Variants in HMCN1 observed in about 807,000 individuals in gnomAD.
HMCN1 encodes hemicentin 1, also known as hemicentin-1.
Under a neutral mutation model 625.9 loss-of-function variants are expected in HMCN1, and 321 were observed. The ratio of observed to expected loss-of-function variants is 0.51; its 90% CI spans 0.47 to 0.56. HMCN1 has a LOEUF of 0.56. Ranked by LOEUF, HMCN1 falls within the 20% of genes least tolerant of loss-of-function variation. The pLI is 0.00. For synonymous variants in HMCN1, 2,425 were observed against 2,417.6 expected, an observed-to-expected ratio of 1.00 and a Z score of -0.09; for missense variants, 6,588 against 6,887.3, an observed-to-expected ratio of 0.96 and a Z score of 1.54.
chr1:185,907,138 C>T lies in HMCN1; in HGVS notation c.622-2199C>T, dbSNP rs1385347333. ...AGTGATCCATATCCTTCTCTTCAAG[C>T]ATGATAGATCATTAAGAACCCATTT... On this transcript the variant is annotated intron_variant, in intron 4 of 106. Transcript: ENST00000271588. 2.0e-5 allele frequency among the ~76,000 whole-genome samples: 3 copies of T among 151,788 alleles called. No homozygotes were observed. The East Asian group carries it at 5.8e-4, about 29-fold the overall frequency.
chr1:186,167,238 T>C (rs1158747806), intron 100 of HMCN1, among the ~76,000 whole-genome samples: 1 of 152,240 alleles, frequency 6.6e-6, no homozygotes, highest in Non-Finnish European at 1.5e-5. Context: ...TACCATTTGA[T>C]TGAGATCATA....
intron 94 of HMCN1, 49 bp from the exon 95 acceptor site, chr1:186,151,557 A>G: frequency 6.4e-7 from 1 of 1,562,722 alleles, no homozygotes; most frequent in Middle Eastern, 1.7e-4. Context: ...AGACAATAAA[A>G]TAGACTAAAA....
intron 2 of HMCN1, among the ~76,000 whole-genome samples, chr1:185,857,416 G>T (rs181375194): frequency 4.5e-4 from 69 of 152,140 alleles, no homozygotes; most frequent in Admixed American, 7.9e-4. Flanking sequence ...TATTTAGGGA[G>T]CTGTCTAATT....
chr1:186,037,442 A>G (rs1655909502), intron 36 of HMCN1, among the ~76,000 whole-genome samples: 1 of 152,202 alleles, frequency 6.6e-6, no homozygotes, highest in African/African-American at 2.4e-5. Flanking sequence ...ACTTAAGTCT[A>G]AATTTTATAT....
At chr1:185,918,355 A>C (rs1273172025) in intron 6 of HMCN1, among the ~76,000 whole-genome samples, 1 of 152,224 alleles carries the variant, frequency 6.6e-6, no homozygotes, top group African/African-American at 2.4e-5. Context: ...CATGGGAGAA[A>C]GATGAAATCC....
chr1:186,128,364 A>G (rs1236757940), intron 83 of HMCN1, 73 bp downstream of exon 83: 16 of 1,244,646 alleles, frequency 1.3e-5, no homozygotes, highest in Non-Finnish European at 1.2e-6. Flanking sequence ...TGTTTCCTCC[A>G]GCTGTGAAAA....
At chr1:185,958,333 G>A (rs539366608) in intron 11 of HMCN1, among the ~76,000 whole-genome samples, 1 of 152,076 alleles carries the variant, frequency 6.6e-6, no homozygotes, top group Non-Finnish European at 1.5e-5. Context: ...TACCCAGACT[G>A]GTCTTGAACT....
At position 186,153,916 on chromosome 1, in the gene HMCN1, C is replaced by G; in HGVS notation, c.15185C>G (p.Ser5062Cys). ...MPFLVETLHA[S>C]SVESDYNQIE... ...TTCTTGGTTGAAACACTTCATGCAT[C>G]CTCTGTGGAATCTGACTATAACCAG... The change falls in exon 97 of 107, where the codon TCC (serine) becomes TGC (cysteine). Residue 5062 changes from serine (S) to cysteine (C), a missense_variant. Around this residue, in one of 3 missense-constraint regions of HMCN1, gnomAD observed 1,954 missense variants for 2,013.1 expected, o/e 0.97. Transcript: ENST00000271588. The G allele has an allele frequency of 6.2e-7, 1 of 1,614,108 alleles. No individual in the cohort carries two copies. The highest frequency in any genetic ancestry group is 1.1e-5 in the South Asian group (1 of 91,086).
intron 1 of HMCN1, among the ~76,000 whole-genome samples, chr1:185,783,778 G>T (rs940217669): frequency 4.6e-5 from 7 of 152,218 alleles, no homozygotes; most frequent in African/African-American, 1.4e-4. Context: ...TCCCAGTTAG[G>T]CTACTCGGGG....
Position 186,166,280 on chromosome 1 carries a change from C to G in HMCN1, c.15416C>G (p.Ala5139Gly). 1 of 1,614,136 alleles carries G rather than the reference C, an allele frequency of 6.2e-7. No homozygotes were observed. Among genetic ancestry groups the G allele is most frequent in the African/African-American group, 1.3e-5 (1 of 75,044 alleles). Residue 5139 changes from alanine (A) to glycine (G), a missense_variant, in exon 99 of 107, where the codon GCT becomes GGT. Ala to Gly is a moderately conservative substitution (Grantham distance 60). Around this residue, in one of 3 missense-constraint regions of HMCN1, gnomAD observed 1,954 missense variants for 2,013.1 expected, o/e 0.97. Coordinates refer to ENST00000271588, the MANE Select transcript of HMCN1 (RefSeq NM_031935.3). Reference protein sequence around the residue: ...YCSCPKGLTIAADGRTCQDID... With the variant: ...YCSCPKGLTIGADGRTCQDID... ...TCCTGCCCTAAAGGCCTCACCATAG[C>G]TGCAGATGGAAGAACTTGTCAAGGT... is the stretch of plus-strand genomic sequence containing the variant.
chr1:186,152,883 G>T lies in HMCN1; in HGVS notation c.15018+12G>T. The T allele has an allele frequency of 1.2e-6, 2 of 1,613,460 alleles. No homozygotes were observed. Among genetic ancestry groups the T allele is most frequent in the Non-Finnish European group, 1.7e-6 (2 of 1,179,514 alleles). ...AAGTCACTGTAAAGGTAAAATGCCA[G>T]GATAACTTGTCTTTGCTGCTTATTA... On this transcript the variant is annotated intron_variant, in intron 96 of 106. Coordinates refer to ENST00000271588, the MANE Select transcript of HMCN1 (RefSeq NM_031935.3).
intron 1 of HMCN1, among the ~76,000 whole-genome samples, chr1:185,834,466 G>T (rs1661047967): frequency 6.6e-6 from 1 of 152,110 alleles, no homozygotes; most frequent in Admixed American, 6.5e-5. Flanking sequence ...GGTACATGTT[G>T]GCTGCCCTCA....
chr1:186,081,231 A>G lies in HMCN1; in HGVS notation c.8624A>G (p.Asn2875Ser), dbSNP rs1311159938. The change falls in exon 56 of 107, where the codon AAT (asparagine) becomes AGT (serine). Residue 2875 changes from asparagine to serine, a missense_variant. Transcript: ENST00000271588. ...VLVPPIIKGANSDLPEEVTVL... is the reference protein window; with the variant it reads ...VLVPPIIKGASSDLPEEVTVL... ...GTGCCGCCAATTATCAAGGGAGCAAATAGTGATCTCCCTGAAGAGGTCACC... is the reference window on the plus strand; with the variant it reads ...GTGCCGCCAATTATCAAGGGAGCAAGTAGTGATCTCCCTGAAGAGGTCACC... 1 of 1,613,856 alleles carries G rather than the reference A, an allele frequency of 6.2e-7. No individual in the cohort carries two copies. Among genetic ancestry groups the G allele is most frequent in the Non-Finnish European group, 8.5e-7 (1 of 1,179,792 alleles).
At chr1:186,009,988 G>A (rs529581637) in intron 30 of HMCN1, among the ~76,000 whole-genome samples, 2 of 152,048 alleles carry the variant, frequency 1.3e-5, no homozygotes, top group Admixed American at 6.6e-5. Flanking sequence ...TAGAGTTCGC[G>A]CTCCTATGAG....
At chr1:185,858,029 T>TAAG (rs1353070664) in intron 2 of HMCN1, among the ~76,000 whole-genome samples, 1 of 152,216 alleles carries the variant, frequency 6.6e-6, no homozygotes, top group Non-Finnish European at 1.5e-5. Flanking sequence ...TTGCATGAAT[T>TAAG]TTCAGGCCAG....
At position 186,067,991 on chromosome 1, in the gene HMCN1, T is replaced by C. The variant is rs758920237; in HGVS notation, c.7863T>C (p.Asn2621=). 6.2e-7 allele frequency: 1 copy of C among 1,613,424 alleles called. No homozygotes were observed. The highest frequency in any genetic ancestry group is 2.2e-5 in the East Asian group (1 of 44,808). The stretch of plus-strand genomic sequence containing the variant: ...GCACTCCTTTAGAATCTAACCGAAA[T>C]ATTCGTATTCTTCCAGGTAATTCAT... ...KDGTPLESNR[N]IRILPGGRTL... is the part of the protein sequence containing the mutation. The change falls in exon 50 of 107, where the codon AAT becomes AAC. Residue 2621 remains asparagine (N), a synonymous_variant. Coordinates refer to ENST00000271588, the MANE Select transcript of HMCN1 (RefSeq NM_031935.3).
chr1:185,911,988 A>T (rs765503789), intron 6 of HMCN1, among the ~76,000 whole-genome samples: 2 of 152,136 alleles, frequency 1.3e-5, no homozygotes, highest in Admixed American at 1.3e-4. Context: ...CATCATTGCC[A>T]CACGATACAC....
intron 14 of HMCN1, among the ~76,000 whole-genome samples, chr1:185,966,234 C>T (rs751625147): frequency 5.9e-5 from 9 of 152,064 alleles, no homozygotes; most frequent in East Asian, 1.9e-4. Flanking sequence ...AAAATAGCTC[C>T]GCTGATTTTA....
chr1:186,083,196 C>T (rs1571325367), intron 57 of HMCN1, among the ~76,000 whole-genome samples: 2 of 152,014 alleles, frequency 1.3e-5, no homozygotes, highest in Non-Finnish European at 2.9e-5. Flanking sequence ...AAAATAACTA[C>T]TCCTGCATAT....
Sources: gnomAD v4.1 joint callset for allele counts (sites outside exome capture counted in the v4.1 genomes callset) on GRCh38, gnomAD v4.1.1 for gene constraint, gnomAD v4.1.1 regional missense constraint, MANE v1.5 for transcripts, NCBI Gene and HGNC (gene_info 2026-07-23, HGNC 2026-07-21) for gene names.